OGDH: variants seen among roughly 807,000 people sequenced by gnomAD.
The protein encoded by OGDH is 2-oxoglutarate dehydrogenase complex component E1.
A neutral mutation model predicts 116.6 loss-of-function variants in OGDH; 38 were observed. That is an observed-to-expected ratio of 0.33 (90% CI 0.25 to 0.43). The LOEUF (loss-of-function observed/expected upper bound fraction) is 0.43. OGDH is among the 20% of genes least tolerant of loss of function. OGDH has a pLI of 1.00. For missense variants in OGDH, 825 were observed against 1,357.2 expected, an observed-to-expected ratio of 0.61 and a Z score of 6.16; for synonymous variants, 488 against 533.3, an observed-to-expected ratio of 0.92 and a Z score of 1.17.
intron 2 of OGDH, among the ~76,000 whole-genome samples, chr7:44,640,507 T>A (rs1340803471): frequency 6.6e-6 from 1 of 152,196 alleles, no homozygotes; most frequent in African/African-American, 2.4e-5. Context: ...TGAAAAGAAG[T>A]AAACTTGTGA....
chr7:44,657,410 T>C (rs1786739364), intron 4 of OGDH, among the ~76,000 whole-genome samples: 1 of 152,192 alleles, frequency 6.6e-6, no homozygotes, highest in African/African-American at 2.4e-5. Flanking sequence ...TTCATGCAGG[T>C]TGTTGGTGTG....
intron 10 of OGDH, among the ~76,000 whole-genome samples, chr7:44,682,910 C>A (rs982360676): frequency 1.3e-5 from 2 of 151,494 alleles, no homozygotes; most frequent in Non-Finnish European, 2.9e-5. Context: ...GCACTTTGGG[C>A]GGCCGAGGCA....
Position 44,700,138 on chromosome 7 carries a change from C to CA in OGDH, c.2431-2dup. The CA allele has an allele frequency of 6.2e-7, 1 of 1,614,034 alleles. No homozygotes were observed. Among genetic ancestry groups the CA allele is most frequent in the Non-Finnish European group, 8.5e-7 (1 of 1,179,914 alleles). ...CCTCTGGCCATTTCCTTCCCTGCTGCAGGACCTTAAAGAAGCCAACTTCGA... is the reference window on the plus strand; with the variant it reads ...CCTCTGGCCATTTCCTTCCCTGCTGCAAGGACCTTAAAGAAGCCAACTTCGA... On this transcript the variant is annotated splice_polypyrimidine_tract_variant and splice_region_variant and intron_variant, in intron 18 of 22. Coordinates refer to ENST00000222673, the MANE Select transcript of OGDH (RefSeq NM_002541.4).
chr7:44,615,127 G>A (rs1041434207), intron 1 of OGDH, among the ~76,000 whole-genome samples: 3 of 152,092 alleles, frequency 2.0e-5, no homozygotes, highest in Non-Finnish European at 4.4e-5. Context: ...CACCATGCCC[G>A]GACAAGATTA....
At chr7:44,612,440 T>A (rs932101178) in intron 1 of OGDH, among the ~76,000 whole-genome samples, 1 of 152,014 alleles carries the variant, frequency 6.6e-6, no homozygotes, top group Non-Finnish European at 1.5e-5. Context: ...TGGAGTGCAA[T>A]GGGCATGATC....
At chr7:44,703,104 GT>G (rs1461146665) in intron 20 of OGDH, among the ~76,000 whole-genome samples, 1 of 151,942 alleles carries the variant, frequency 6.6e-6, no homozygotes, top group African/African-American at 2.4e-5. Context: ...TGTAGCATGT[GT>G]CAGAATTTCT....
At chr7:44,668,426 A>C (rs909450447) in intron 5 of OGDH, among the ~76,000 whole-genome samples, 1 of 150,446 alleles carries the variant, frequency 6.6e-6, no homozygotes, top group Non-Finnish European at 1.5e-5. Context: ...ACAGAGCAAG[A>C]CTCCATCTCA....
intron 1 of OGDH, among the ~76,000 whole-genome samples, chr7:44,619,663 A>G (rs568179226): frequency 1.3e-5 from 2 of 151,770 alleles, no homozygotes; most frequent in Admixed American, 1.3e-4. Flanking sequence ...AGTTGTTTCT[A>G]CTGTTGTTTC....
In OGDH at chr7:44,647,838, G is replaced by C. The variant is rs564645353; in HGVS notation, c.517+79G>C. 235 of 1,071,048 alleles carry C rather than the reference G, an allele frequency of 2.2e-4. No individual in the cohort carries two copies. In the Middle Eastern group the frequency reaches 2.4e-3, roughly 11 times the overall value. The allele number at this position is 1,071,048 out of a possible 1,614,324, so 66.3% of individuals were successfully genotyped here. A position where few individuals can be genotyped will look rare whatever the true frequency, so the allele number is the denominator to read the frequency against. On this transcript the variant is annotated intron_variant, in intron 4 of 22. Transcript: ENST00000222673. ...CGACCTGTGGTAGCCAGGATGTCCA[G>C]GCAGGAGGGAAAGGCTCTTAAGTTT...
chr7:44,653,853 A>T (rs573127941), intron 4 of OGDH, among the ~76,000 whole-genome samples: 2 of 142,312 alleles, frequency 1.4e-5, no homozygotes, highest in Non-Finnish European at 3.1e-5. Context: ...TTTTATTTTT[A>T]TTTTATTTTA....
intron 2 of OGDH, among the ~76,000 whole-genome samples, chr7:44,625,809 AT>A (rs373672936): frequency 0.066 from 9,800 of 149,076 alleles, 402 homozygotes; most frequent in East Asian, 0.12. Flanking sequence ...ACACTTACGA[AT>A]TTTTTTTTTT....
chr7:44,657,737 A>G (rs1317915472), intron 4 of OGDH, among the ~76,000 whole-genome samples: 2 of 152,102 alleles, frequency 1.3e-5, no homozygotes, highest in Non-Finnish European at 2.9e-5. Context: ...TCTCCTATAC[A>G]TTTTTCTAAA....
intron 2 of OGDH, among the ~76,000 whole-genome samples, chr7:44,624,872 A>G (rs1007066760): frequency 6.6e-6 from 1 of 152,122 alleles, no homozygotes; most frequent in African/African-American, 2.4e-5. Context: ...GAAAGAAAGA[A>G]AGTGTGTGGA....
chr7:44,616,875 A>ATATATATACACATATATATATACG (rs1784824793), intron 1 of OGDH, among the ~76,000 whole-genome samples: 9 of 31,510 alleles, frequency 2.9e-4, no homozygotes, highest in African/African-American at 7.1e-4. Flanking sequence ...ATATATACGT[A>ATATATATACACATATATATATACG]TATATATATG....
chr7:44,686,696 T>C (rs530930391), intron 10 of OGDH, among the ~76,000 whole-genome samples: 1 of 149,852 alleles, frequency 6.7e-6, no homozygotes, highest in Non-Finnish European at 1.5e-5. Context: ...TTTCTTTTTT[T>C]TTTTTTTTTT....
rs777624714 is a variant in OGDH at position 44,705,051 on chromosome 7, C to CTTTTTTTTTTTTTTTTTTTTTT, written c.2633-2155_2633-2154insTTTTTTTTTTTTTTTTTTTTTT. Among the ~76,000 whole-genome samples, 13 of 93,918 alleles carry CTTTTTTTTTTTTTTTTTTTTTT rather than the reference C, an allele frequency of 1.4e-4. 4 individuals carry two copies. Among genetic ancestry groups the CTTTTTTTTTTTTTTTTTTTTTT allele is most frequent in the East Asian group, 1.1e-3 (3 of 2,638 alleles). 61.6% of individuals were successfully genotyped at this position (93,918 alleles called of 152,430 possible). On this transcript the variant is annotated intron_variant, in intron 20 of 22. Coordinates refer to ENST00000222673, the MANE Select transcript of OGDH (RefSeq NM_002541.4). ...TTGATGTACAAAAGTTTTTAATTTT[C>CTTTTTTTTTTTTTTTTTTTTTT]TTTTTTTTTTTTTTTTTTTGAGACG...
At chr7:44,705,891 G>A (rs1789049974) in intron 20 of OGDH, among the ~76,000 whole-genome samples, 1 of 152,162 alleles carries the variant, frequency 6.6e-6, no homozygotes, top group African/African-American at 2.4e-5. Flanking sequence ...TTTATCAAAC[G>A]TTGAACTTAA....
intron 2 of OGDH, among the ~76,000 whole-genome samples, chr7:44,641,168 T>C (rs1375103544): frequency 1.3e-5 from 2 of 150,058 alleles, no homozygotes; most frequent in African/African-American, 4.9e-5. Context: ...CCCAAAGTGC[T>C]GGGATTACAA....
At chr7:44,625,848 C>G (rs1379113122) in intron 2 of OGDH, among the ~76,000 whole-genome samples, 1 of 152,012 alleles carries the variant, frequency 6.6e-6, no homozygotes, top group Non-Finnish European at 1.5e-5. Flanking sequence ...TGGCACATGC[C>G]TGCAGTTCTA....
Sources: allele counts gnomAD v4.1 joint callset (sites outside exome capture counted in the v4.1 genomes callset), GRCh38; gene constraint gnomAD v4.1.1; transcripts MANE v1.5; gene names NCBI Gene and HGNC (gene_info 2026-07-23, HGNC 2026-07-21).